The following SULF1 variants were observed in gnomAD, a reference collection of about 807,000 sequenced individuals.
SULF1 encodes the protein extracellular sulfatase Sulf-1.
SULF1 carries 46 observed loss-of-function variants against 110.5 expected under a neutral mutation model. The ratio of observed to expected loss-of-function variants is 0.42; its 90% CI spans 0.33 to 0.53. The LOEUF (loss-of-function observed/expected upper bound fraction) is 0.53, where lower values mean the gene tolerates loss of function less well. Ranked by LOEUF, SULF1 falls within the 20% of genes least tolerant of loss-of-function variation. The pLI is 0.12. For missense variants in SULF1, 941 were observed against 1,094.2 expected (o/e 0.86, Z 1.98); for synonymous variants, 371 against 387.1 (o/e 0.96, Z 0.49).
At chr8:69,498,642 T>C (rs1439662033) in intron 2 of SULF1, among the ~76,000 whole-genome samples, 1 of 152,132 alleles carries the variant, frequency 6.6e-6, no homozygotes, top group African/African-American at 2.4e-5. Context: ...GTGACAGGGA[T>C]TAATGAAAAT....
chr8:69,504,556 GAATA>G lies in SULF1; in HGVS notation c.-134+2603_-134+2606del, dbSNP rs376971920. 3.2e-3 allele frequency among the ~76,000 whole-genome samples: 486 copies of G among 152,108 alleles called. 2 individuals carry two copies. The highest frequency in any genetic ancestry group is 0.011 in the African/African-American group (464 of 41,516). Reference sequence around the variant, plus strand: ...GGCAACAGAGCAAGACTCTGTCTCTGAATAAATAAATAAATAAAATAAGTGTCTA... The same window carrying G: ...GGCAACAGAGCAAGACTCTGTCTCTGAATAAATAAATAAAATAAGTGTCTA... On this transcript the variant is annotated intron_variant, in intron 3 of 22. Coordinates refer to ENST00000402687, the MANE Select transcript of SULF1 (RefSeq NM_001128205.2).
At chr8:69,585,760 T>C (rs973208809) in intron 6 of SULF1, among the ~76,000 whole-genome samples, 2 of 152,180 alleles carry the variant, frequency 1.3e-5, no homozygotes, top group Non-Finnish European at 2.9e-5. Flanking sequence ...ATTCATAAAA[T>C]ACACATAACA....
At chr8:69,474,500 T>C (rs1057420661) in intron 1 of SULF1, among the ~76,000 whole-genome samples, 1 of 152,198 alleles carries the variant, frequency 6.6e-6, no homozygotes, top group Non-Finnish European at 1.5e-5. Flanking sequence ...AGCTTTTAAC[T>C]TTCATCTTAT....
intron 8 of SULF1, among the ~76,000 whole-genome samples, chr8:69,596,428 A>G (rs945113369): frequency 6.6e-6 from 1 of 152,188 alleles, no homozygotes; most frequent in Non-Finnish European, 1.5e-5. Flanking sequence ...TCATGGATGC[A>G]TCCAGTGTGC....
intron 3 of SULF1, among the ~76,000 whole-genome samples, chr8:69,561,137 CA>C (rs1176879140): frequency 1.3e-5 from 2 of 151,438 alleles, no homozygotes; most frequent in African/African-American, 4.8e-5. Flanking sequence ...GTTATCACTA[CA>C]AAAAAAATGA....
intron 1 of SULF1, among the ~76,000 whole-genome samples, chr8:69,472,009 G>T (rs935001332): frequency 2.6e-5 from 4 of 152,046 alleles, no homozygotes; most frequent in African/African-American, 7.3e-5. Flanking sequence ...GAGAGAGAGA[G>T]AGAGAGAGAA....
At chr8:69,651,407 CTAA>C (rs1309889682) in intron 22 of SULF1, among the ~76,000 whole-genome samples, 4 of 152,112 alleles carry the variant, frequency 2.6e-5, no homozygotes, top group Non-Finnish European at 5.9e-5. Context: ...ATTGAGTGAC[CTAA>C]TGCTTCCAAT....
At chr8:69,581,638 C>T (rs767247630) in intron 6 of SULF1, among the ~76,000 whole-genome samples, 4 of 152,112 alleles carry the variant, frequency 2.6e-5, no homozygotes, top group East Asian at 3.8e-4. Flanking sequence ...TTGAACTATA[C>T]GTAACCTACA....
chr8:69,470,378 T>C (rs576458440), intron 1 of SULF1, among the ~76,000 whole-genome samples: 2 of 152,288 alleles, frequency 1.3e-5, no homozygotes, highest in African/African-American at 4.8e-5. Context: ...AGATATCTTA[T>C]GGAAAAAAAT....
rs1811242549 is a variant in SULF1, at chr8:69,638,771, T to C, written c.2464T>C (p.Leu822=). 2.5e-6 allele frequency: 4 copies of C among 1,614,138 alleles called. No individual in the cohort carries two copies. Among genetic ancestry groups the C allele is most frequent in the Non-Finnish European group, 3.4e-6 (4 of 1,180,018 alleles). Residue 822 remains leucine (L), a synonymous_variant, in exon 21 of 23, where the codon TTG becomes CTG. Transcript: ENST00000402687. ...NTVHTVERGI[L]NQLHVQLMEL... ...AGTGCACACGGTAGAACGAGGCATTTTGAATCAGCTACACGTACAACTAAT... is the reference window on the plus strand; with the variant it reads ...AGTGCACACGGTAGAACGAGGCATTCTGAATCAGCTACACGTACAACTAAT...
At chr8:69,521,050 A>C (rs1428813744) in intron 3 of SULF1, among the ~76,000 whole-genome samples, 2 of 152,172 alleles carry the variant, frequency 1.3e-5, no homozygotes, top group African/African-American at 4.8e-5. Context: ...TCTAATTTGA[A>C]AACTAGACAG....
intron 19 of SULF1, among the ~76,000 whole-genome samples, chr8:69,630,667 G>T (rs1023248239): frequency 6.6e-6 from 1 of 152,106 alleles, no homozygotes; most frequent in Non-Finnish European, 1.5e-5. Context: ...TATTCAGATC[G>T]CTGGGGACAG....
chr8:69,629,881 A>G (rs530582801), intron 19 of SULF1, among the ~76,000 whole-genome samples: 1 of 152,316 alleles, frequency 6.6e-6, no homozygotes, highest in East Asian at 1.9e-4. Flanking sequence ...TTGTTTGGTA[A>G]TGCCAAGCTT....
At chr8:69,616,710 T>G (rs1170685557) in intron 13 of SULF1, among the ~76,000 whole-genome samples, 13 of 150,234 alleles carry the variant, frequency 8.7e-5, no homozygotes, top group East Asian at 5.9e-4. Context: ...CCGTTTTTTT[T>G]TTTTTTTTTT....
chr8:69,493,599 A>G (rs1307988333), intron 1 of SULF1, among the ~76,000 whole-genome samples: 1 of 152,174 alleles, frequency 6.6e-6, no homozygotes, highest in East Asian at 1.9e-4. Flanking sequence ...AATTTCAATC[A>G]GTTGTAATTG....
intron 3 of SULF1, among the ~76,000 whole-genome samples, chr8:69,518,164 T>C (rs1007615054): frequency 6.6e-6 from 1 of 152,248 alleles, no homozygotes; most frequent in Non-Finnish European, 1.5e-5. Context: ...TAGTTGATAT[T>C]GAAATTGTTC....
rs762054965 is a variant in SULF1, at chr8:69,629,704, C to T, written c.2284+25C>T. Reference sequence around the variant, plus strand: ...CGTAAGTTGCTTGTTCCAAATGCCACTTCCTGCCGCCATGCAGAGACAGCG... The same window carrying T: ...CGTAAGTTGCTTGTTCCAAATGCCATTTCCTGCCGCCATGCAGAGACAGCG... On this transcript the variant is annotated intron_variant, in intron 19 of 22. Coordinates refer to ENST00000402687, the MANE Select transcript of SULF1 (RefSeq NM_001128205.2). 5.1e-6 allele frequency: 8 copies of T among 1,570,070 alleles called. No homozygotes were observed. The East Asian group carries it at 1.6e-4, about 31-fold the overall frequency.
At chr8:69,628,333 C>T in intron 18 of SULF1, 97 bp downstream of exon 18, 3 of 1,021,734 alleles carry the variant, frequency 2.9e-6, no homozygotes, top group Non-Finnish European at 4.6e-6. Context: ...TCCTGCAGTG[C>T]CGCTTCAGAA....
Position 69,570,542 on chromosome 8 carries a change from A to G in SULF1, c.173-5428A>G, listed in dbSNP as rs369061262. Among the ~76,000 whole-genome samples, 91 of 152,268 alleles carry G rather than the reference A, an allele frequency of 6.0e-4. 2 individuals are homozygous for G. In the South Asian group the frequency reaches 0.018, roughly 30 times the overall value. ...TCTCCGATCCTTTTTCATACAAATG[A>G]TTTTTGTATGAAATCATTCTGTATG... is the stretch of plus-strand genomic sequence containing the variant. On this transcript the variant is annotated intron_variant, in intron 5 of 22. Transcript: ENST00000402687.
Sources: allele counts gnomAD v4.1 joint callset (sites outside exome capture counted in the v4.1 genomes callset), GRCh38; gene constraint gnomAD v4.1.1; transcripts MANE v1.5; gene names NCBI Gene and HGNC (gene_info 2026-07-23, HGNC 2026-07-21).